The following AKAP9 variants were observed in gnomAD, a reference collection of about 807,000 sequenced individuals.
The protein encoded by AKAP9 is A-kinase anchoring protein 9.
AKAP9 carries 311 observed loss-of-function variants against 488.5 expected under a neutral mutation model. The ratio of observed to expected loss-of-function variants is 0.64; its 90% CI spans 0.58 to 0.70. The LOEUF is 0.70. Among genes scored for constraint, AKAP9 ranks in the 30% least tolerant of loss-of-function variants. The pLI, the probability that AKAP9 is intolerant of heterozygous loss-of-function variation, is 0.00. For missense variants in AKAP9, 4,215 were observed against 4,374.5 expected (o/e 0.96, Z 1.03); for synonymous variants, 1,462 against 1,483.5 (o/e 0.99, Z 0.33).
chr7:92,093,515 C>T (rs1292318476), intron 39 of AKAP9, among the ~76,000 whole-genome samples, 199 bp downstream of exon 39: 1 of 152,138 alleles, frequency 6.6e-6, no homozygotes, highest in East Asian at 1.9e-4. Flanking sequence ...AGCATATTCT[C>T]TACTGTGACT....
chr7:92,107,499 C>A, intron 48 of AKAP9, 77 bp downstream of exon 48: 4 of 1,363,846 alleles, frequency 2.9e-6, no homozygotes, highest in East Asian at 4.6e-5. Context: ...ATTTTTAGGG[C>A]TTTGACTTCT....
chr7:92,006,305 A>G (rs143771495), intron 8 of AKAP9, among the ~76,000 whole-genome samples: 5 of 151,714 alleles, frequency 3.3e-5, no homozygotes, highest in African/African-American at 9.7e-5. Flanking sequence ...CATGCACCAC[A>G]CACCCAGCTA....
intron 16 of AKAP9, among the ~76,000 whole-genome samples, chr7:92,032,807 A>G (rs1431157995): frequency 3.3e-5 from 5 of 152,156 alleles, no homozygotes; most frequent in African/African-American, 7.2e-5. Context: ...GAGGAATGCA[A>G]ATTTTCTCTT....
Position 92,097,190 on chromosome 7 carries a change from A to C in AKAP9, c.10231A>C (p.Lys3411Gln), listed in dbSNP as rs1375511184. The C allele has an allele frequency of 3.1e-6, 5 of 1,613,282 alleles. No individual in the cohort carries two copies. In the East Asian group the frequency reaches 6.7e-5, roughly 22 times the overall value. ...GAAAAAAATGCATGAGCTCCAGTCC[A>C]AAGTGGAAGATCTTCAGCGCCAGCT... The part of the protein sequence containing the change: ...GQKKMHELQS[K>Q]VEDLQRQLEE... The change falls in exon 41 of 50, where the codon AAA (lysine) becomes CAA (glutamine). Residue 3411 changes from lysine to glutamine, a missense_variant. This residue lies in a region of AKAP9 where 1,476 missense variants were observed against 1,477.4 expected (regional missense o/e 1.00). Coordinates refer to ENST00000356239, the MANE Select transcript of AKAP9 (RefSeq NM_005751.5).
intron 2 of AKAP9, among the ~76,000 whole-genome samples, chr7:91,979,142 T>A (rs1348994349): frequency 6.6e-6 from 1 of 152,030 alleles, no homozygotes; most frequent in Non-Finnish European, 1.5e-5. Flanking sequence ...TAGTTCCTCC[T>A]TATTTGTGGA....
intron 9 of AKAP9, 29 bp downstream of exon 9, chr7:92,012,671 A>G (rs1800914121): frequency 3.2e-6 from 5 of 1,545,332 alleles, no homozygotes; most frequent in African/African-American, 1.4e-5. Flanking sequence ...TATAAGTACC[A>G]TGATCCAAAT....
Position 92,038,419 on chromosome 7 carries a change from GT to G in AKAP9, c.4341del (p.Ile1448LeufsTer4). 1 of 1,606,316 alleles carries G rather than the reference GT, an allele frequency of 6.2e-7. No homozygotes were observed. The highest frequency in any genetic ancestry group is 8.5e-7 in the Non-Finnish European group (1 of 1,173,712). ...TTATTGTTTGCTTTTATTTCTTTAG[GT>G]TATTGTGTCAATGAGTATAGCATTT... ...QEQLEEEVAK[V>X]IVSMSIAFAQ... is the part of the protein sequence containing the mutation. On this transcript the variant is annotated frameshift_variant and splice_region_variant, in exon 17 of 50. Coordinates refer to ENST00000356239, the MANE Select transcript of AKAP9 (RefSeq NM_005751.5). LOFTEE classifies it high-confidence loss of function.
chr7:92,000,842 C>A lies in AKAP9; in HGVS notation c.931-6C>A. On this transcript the variant is annotated splice_polypyrimidine_tract_variant and splice_region_variant and intron_variant, in intron 7 of 49. Coordinates refer to ENST00000356239, the MANE Select transcript of AKAP9 (RefSeq NM_005751.5). The stretch of plus-strand genomic sequence containing the variant: ...CATTCTTACATTTTCATTTTTTTTC[C>A]TAAAGGAACAAGATAAAAAAGTAGA... 7.5e-7 allele frequency: 1 copy of A among 1,338,714 alleles called. No homozygotes were observed. Among genetic ancestry groups the A allele is most frequent in the South Asian group, 1.5e-5 (1 of 68,026 alleles). The allele number at this position is 1,338,714 out of a possible 1,614,324, so 82.9% of individuals were successfully genotyped here.
intron 44 of AKAP9, among the ~76,000 whole-genome samples, chr7:92,100,295 G>C (rs1425496228): frequency 6.6e-6 from 1 of 152,110 alleles, no homozygotes. Flanking sequence ...CAATTAAAAG[G>C]TTCTGTTAAA....
chr7:91,998,803 T>A (rs986541969), intron 7 of AKAP9, among the ~76,000 whole-genome samples: 41 of 152,304 alleles, frequency 2.7e-4, no homozygotes, highest in Middle Eastern at 6.8e-3. Context: ...GTAAATATAT[T>A]ACACTCGTAT....
chr7:92,004,139 C>T (rs774844183), intron 8 of AKAP9, among the ~76,000 whole-genome samples: 2 of 152,118 alleles, frequency 1.3e-5, no homozygotes, highest in Non-Finnish European at 2.9e-5. Flanking sequence ...TTTCTGAGGG[C>T]TCTGTTCTGT....
chr7:92,045,369 C>T (rs1806794811), intron 21 of AKAP9, among the ~76,000 whole-genome samples, 156 bp downstream of exon 21: 1 of 152,070 alleles, frequency 6.6e-6, no homozygotes, highest in South Asian at 2.1e-4. Context: ...TTTCAAACAC[C>T]ATTATTGTAT....
chr7:92,076,161 TATTC>T (rs1812554434), intron 28 of AKAP9, among the ~76,000 whole-genome samples: 1 of 152,242 alleles, frequency 6.6e-6, no homozygotes, highest in Non-Finnish European at 1.5e-5. Flanking sequence ...TAATTCTTAA[TATTC>T]ATCATTCGTT....
intron 14 of AKAP9, among the ~76,000 whole-genome samples, chr7:92,026,307 GCTCTCCCTCTCC>G (rs879267621): frequency 7.2e-5 from 11 of 151,988 alleles, no homozygotes; most frequent in South Asian, 2.1e-4. Context: ...GAATGAAGTC[GCTCTCCCTCTCC>G]CTCTCCCTCT....
At chr7:92,041,222 T>C (rs1178020833) in intron 18 of AKAP9, 4 of 268,582 alleles carry the variant, frequency 1.5e-5, no homozygotes, top group Non-Finnish European at 2.8e-5. Context: ...CCATTAGCCA[T>C]ATATAGCAAA....
At chr7:91,966,269 CT>C (rs982945924) in intron 1 of AKAP9, among the ~76,000 whole-genome samples, 1 of 152,036 alleles carries the variant, frequency 6.6e-6, no homozygotes, top group African/African-American at 2.4e-5. Flanking sequence ...CAAAAAAAAA[CT>C]TTCCCCAGAC....
chr7:92,105,627 A>G, intron 46 of AKAP9, 51 bp from the exon 47 acceptor site: 2 of 1,276,714 alleles, frequency 1.6e-6, no homozygotes, highest in East Asian at 2.3e-5. Context: ...TAGGAAATGT[A>G]TATACTGTTT....
chr7:92,009,528 C>T (rs1337066024), intron 8 of AKAP9, among the ~76,000 whole-genome samples: 1 of 152,102 alleles, frequency 6.6e-6, no homozygotes, highest in Non-Finnish European at 1.5e-5. Flanking sequence ...GACCATTTCA[C>T]AAATGGGTCT....
rs773017487 is a variant in AKAP9, at chr7:91,973,860, C to T, written c.198C>T (p.Tyr66=). The T allele has an allele frequency of 2.5e-6, 4 of 1,613,834 alleles. No homozygotes were observed. The highest frequency in any genetic ancestry group is 1.7e-5 in the Admixed American group (1 of 59,986). ...NIDQSQCNEM[Y]INSSQRVEST... ...ATCAATCACAGTGTAATGAAATGTA[C>T]ATAAATAGTTCTCAGAGAGTAGAAT... Residue 66 remains tyrosine, a synonymous_variant, in exon 2 of 50, where the codon TAC becomes TAT. Transcript: ENST00000356239.
Sources: gnomAD v4.1 joint callset for allele counts (sites outside exome capture counted in the v4.1 genomes callset) on GRCh38, gnomAD v4.1.1 for gene constraint, gnomAD v4.1.1 regional missense constraint, MANE v1.5 for transcripts, NCBI Gene and HGNC (gene_info 2026-07-23, HGNC 2026-07-21) for gene names.